Variants in PTK2 observed in about 807,000 individuals in gnomAD.
PTK2 encodes the protein protein tyrosine kinase 2, also known as focal adhesion kinase 1.
In PTK2, 45 loss-of-function variants were observed where a neutral mutation model predicts 150.1. That is an observed-to-expected ratio of 0.30 (90% confidence interval 0.24 to 0.38). The LOEUF is 0.38. Ranked by LOEUF, PTK2 falls within the 10% of genes least tolerant of loss-of-function variation. PTK2 has a pLI of 1.00. For missense variants in PTK2, 919 were observed against 1,307.3 expected (o/e 0.70, Z 4.58); for synonymous variants, 432 against 449.2 (o/e 0.96, Z 0.48).
intron 1 of PTK2, among the ~76,000 whole-genome samples, chr8:140,975,239 T>C (rs544997824): frequency 1.3e-5 from 2 of 152,330 alleles, no homozygotes; most frequent in East Asian, 3.9e-4. Flanking sequence ...TGTGGATTAC[T>C]ACCTTCCTTA....
Position 140,722,911 on chromosome 8 carries a change from G to A in PTK2, c.2031-5202C>T, listed in dbSNP as rs568235517. On this transcript the variant is annotated intron_variant, in intron 22 of 31. Coordinates refer to ENST00000522684, the Ensembl canonical transcript of PTK2. ...AGTGGGACATATTCTTCAAGGCAAC[G>A]GGAACTCAGTTTTAAATGGGTTCTC... is the stretch of plus-strand genomic sequence containing the variant. Among the ~76,000 whole-genome samples the A allele has an allele frequency of 5.3e-5, 8 of 152,222 alleles. No homozygotes were observed. In the South Asian group the frequency reaches 1.5e-3, roughly 28 times the overall value.
chr8:140,659,711 T>C (rs977376109), intron 31 of PTK2, 33 bp from the exon 36 acceptor site: 4 of 1,520,620 alleles, frequency 2.6e-6, no homozygotes, highest in Non-Finnish European at 3.5e-6. Context: ...GGAGAACTGT[T>C]TTCAGTGATT....
chr8:140,834,788 C>T (rs1463274422), intron 7 of PTK2, among the ~76,000 whole-genome samples: 3 of 152,214 alleles, frequency 2.0e-5, no homozygotes, highest in African/African-American at 4.8e-5. Flanking sequence ...ACAGAACTCT[C>T]TTAATGTTTA....
intron 23 of PTK2, among the ~76,000 whole-genome samples, chr8:140,708,321 G>A (rs1231916159): frequency 1.3e-5 from 2 of 151,964 alleles, no homozygotes; most frequent in Non-Finnish European, 2.9e-5. Flanking sequence ...TGCTTATACT[G>A]TCCCCTCTGC....
chr8:140,920,249 T>C (rs753552883), intron 2 of PTK2, among the ~76,000 whole-genome samples: 1 of 152,160 alleles, frequency 6.6e-6, no homozygotes, highest in Non-Finnish European at 1.5e-5. Flanking sequence ...TCCCAAATAC[T>C]GTCTTGAATG....
In PTK2 at chr8:140,798,403, TA is replaced by T. The variant is rs985394242; in HGVS notation, c.1093+2055del. Among the ~76,000 whole-genome samples the T allele has an allele frequency of 1.8e-4, 27 of 152,308 alleles. 1 individual carries two copies. Among genetic ancestry groups the T allele is most frequent in the Admixed American group, 1.5e-3 (23 of 15,282 alleles). The stretch of plus-strand genomic sequence containing the variant: ...AGAATAAGAAAATTACCAAGTTTAA[TA>T]ATTCATTTTATAAAGACAATATAAA... On this transcript the variant is annotated intron_variant, in intron 12 of 31. Coordinates refer to ENST00000522684, the Ensembl canonical transcript of PTK2.
At chr8:140,672,318 C>A (rs1417522189) in intron 29 of PTK2, among the ~76,000 whole-genome samples, 1 of 152,092 alleles carries the variant, frequency 6.6e-6, no homozygotes, top group Non-Finnish European at 1.5e-5. Flanking sequence ...CATAGAGGTG[C>A]GCCACCATGT....
chr8:140,771,739 C>T (rs1320948387), intron 14 of PTK2, among the ~76,000 whole-genome samples: 1 of 151,268 alleles, frequency 6.6e-6, no homozygotes, highest in African/African-American at 2.4e-5. Flanking sequence ...ATGTACACTT[C>T]AGTAATATTT....
At chr8:140,805,587 T>G (rs2100097720) in intron 10 of PTK2, among the ~76,000 whole-genome samples, 1 of 151,180 alleles carries the variant, frequency 6.6e-6, no homozygotes, top group African/African-American at 2.4e-5. Context: ...AAGATCATAT[T>G]CAACAAGATT....
Position 140,992,121 on chromosome 8 carries a change from G to A in PTK2, c.-122+9004C>T, listed in dbSNP as rs368138634. On this transcript the variant is annotated intron_variant, in intron 1 of 31. Transcript: ENST00000522684. The stretch of plus-strand genomic sequence containing the variant: ...AGCCTGGCCAACATGGTGAAACCCC[G>A]TCTCTACCAAAAATACAAAAATTGG... 3.4e-3 allele frequency among the ~76,000 whole-genome samples: 523 copies of A among 151,976 alleles called. 6 individuals are homozygous for A. Among genetic ancestry groups the A allele is most frequent in the African/African-American group, 0.012 (506 of 41,470 alleles).
At chr8:140,847,527 T>A (rs2100126322) in intron 5 of PTK2, among the ~76,000 whole-genome samples, 1 of 152,140 alleles carries the variant, frequency 6.6e-6, no homozygotes, top group Non-Finnish European at 1.5e-5. Flanking sequence ...TTGATGAGAG[T>A]ACCCATTTTG....
At chr8:140,820,903 G>A (rs1191304415) in intron 8 of PTK2, 1 of 152,262 alleles carries the variant, frequency 6.6e-6, no homozygotes, top group Non-Finnish European at 1.5e-5. Flanking sequence ...CCCAGGTTGA[G>A]GTGTGGCTGC....
exon 27 of PTK2, chr8:140,686,670 C>A: frequency 1.2e-6 from 2 of 1,613,886 alleles, no homozygotes; most frequent in South Asian, 2.2e-5. Flanking sequence ...TCAATACTGC[C>A]TCGAGAGAGT....
chr8:140,904,961 A>G (rs2154607819), intron 2 of PTK2, among the ~76,000 whole-genome samples: 1 of 152,078 alleles, frequency 6.6e-6, no homozygotes, highest in Non-Finnish European at 1.5e-5. Flanking sequence ...GGATTCATTG[A>G]TTTTTGAAAG....
chr8:140,738,997 A>T, intron 21 of PTK2, 21 bp downstream of exon 24: 2 of 1,454,214 alleles, frequency 1.4e-6, no homozygotes, highest in Middle Eastern at 1.9e-4. Context: ...TAAAGAATAC[A>T]AAACTTTTAA....
chr8:140,783,903 T>C (rs1212169448), intron 14 of PTK2, among the ~76,000 whole-genome samples: 1 of 152,162 alleles, frequency 6.6e-6, no homozygotes, highest in African/African-American at 2.4e-5. Flanking sequence ...TCACGACTAA[T>C]TTTAATTCCA....
intron 14 of PTK2, among the ~76,000 whole-genome samples, chr8:140,786,503 C>G (rs1243716904): frequency 6.6e-6 from 1 of 152,112 alleles, no homozygotes; most frequent in African/African-American, 2.4e-5. Context: ...GTGCAATGTA[C>G]TGGTTCCTGG....
chr8:140,775,556 T>G (rs1420954609), intron 14 of PTK2, among the ~76,000 whole-genome samples: 1 of 152,118 alleles, frequency 6.6e-6, no homozygotes, highest in Non-Finnish European at 1.5e-5. Flanking sequence ...TTGCCCATGC[T>G]GGTCTCTAAC....
intron 3 of PTK2, among the ~76,000 whole-genome samples, chr8:140,880,495 C>T (rs1005807301): frequency 2.0e-5 from 3 of 152,104 alleles, no homozygotes; most frequent in Admixed American, 6.6e-5. Context: ...GTCCTTTACA[C>T]GAGGGTATGC....
Sources: allele counts gnomAD v4.1 joint callset (sites outside exome capture counted in the v4.1 genomes callset), GRCh38; gene constraint gnomAD v4.1.1; transcripts MANE v1.5; gene names NCBI Gene and HGNC (gene_info 2026-07-23, HGNC 2026-07-21).